FAM171B: variants seen among roughly 807,000 people sequenced by gnomAD.
FAM171B encodes the protein family with sequence similarity 171 member B.
Under a neutral mutation model 75.6 loss-of-function variants are expected in FAM171B, and 19 were observed. The ratio of observed to expected loss-of-function variants is 0.25; its 90% CI spans 0.18 to 0.37. The LOEUF is 0.37. FAM171B is among the 10% of genes least tolerant of loss of function. FAM171B has a pLI of 1.00. For missense variants in FAM171B, 848 were observed against 982.4 expected (o/e 0.86, Z 1.83); for synonymous variants, 367 against 361.7 (o/e 1.01, Z -0.17).
chr2:186,722,482 T>C (rs1689970255), intron 1 of FAM171B, among the ~76,000 whole-genome samples: 1 of 152,208 alleles, frequency 6.6e-6, no homozygotes, highest in African/African-American at 2.4e-5. Flanking sequence ...TGCTTTACAG[T>C]ACCATTTTTT....
rs2105788413 is a variant in FAM171B, at chr2:186,747,269, A to G, written c.724+19A>G. 2 of 1,520,144 alleles carry G rather than the reference A, an allele frequency of 1.3e-6. No individual in the cohort carries two copies. Among genetic ancestry groups the G allele is most frequent in the Middle Eastern group, 1.8e-4 (1 of 5,456 alleles). 94.2% of individuals were successfully genotyped at this position (1,520,144 alleles called of 1,614,324 possible). On this transcript the variant is annotated intron_variant, in intron 4 of 7. Transcript: ENST00000304698. ...AAACCAGGTATTATCTACTTTTTGT[A>G]TAATATAGTTATAAGAAACATTAGT...
chr2:186,751,383 T>G, intron 5 of FAM171B, 79 bp downstream of exon 5: 1 of 1,276,830 alleles, frequency 7.8e-7, no homozygotes, highest in East Asian at 2.4e-5. Flanking sequence ...TCTTAGAACT[T>G]GATACAGCTC....
intron 1 of FAM171B, among the ~76,000 whole-genome samples, chr2:186,738,728 A>AAAC (rs1447345047): frequency 2.0e-5 from 3 of 152,146 alleles, no homozygotes; most frequent in Non-Finnish European, 2.9e-5. Flanking sequence ...AGAGTTAGTG[A>AAAC]AACACAATAA....
intron 1 of FAM171B, among the ~76,000 whole-genome samples, chr2:186,721,904 C>A (rs1551007): frequency 0.91 from 137,744 of 150,602 alleles, 63,404 homozygotes; most frequent in Middle Eastern, 0.99. Flanking sequence ...AAAAAAAAAA[C>A]CATATTTGCT....
chr2:186,706,657 C>T (rs557745913), intron 1 of FAM171B, among the ~76,000 whole-genome samples: 4 of 152,164 alleles, frequency 2.6e-5, no homozygotes, highest in African/African-American at 9.7e-5. Flanking sequence ...AAGATATAGA[C>T]ACCCCTGACA....
At chr2:186,725,067 A>G (rs1006635459) in intron 1 of FAM171B, among the ~76,000 whole-genome samples, 22 of 152,190 alleles carry the variant, frequency 1.4e-4, no homozygotes, top group Non-Finnish European at 2.2e-4. Context: ...TGAGTAGGCC[A>G]GGCGCGATGG....
intron 6 of FAM171B, among the ~76,000 whole-genome samples, chr2:186,759,064 C>G (rs1690576723): frequency 6.6e-6 from 1 of 152,080 alleles, no homozygotes; most frequent in South Asian, 2.1e-4. Context: ...TTTTTCTATG[C>G]CTGGCTTATT....
chr2:186,758,459 T>G (rs1469033550), intron 6 of FAM171B, among the ~76,000 whole-genome samples: 1 of 152,154 alleles, frequency 6.6e-6, no homozygotes, highest in Non-Finnish European at 1.5e-5. Flanking sequence ...GTGGGAGCCT[T>G]ATGCTGGATG....
chr2:186,747,334 CT>C lies in FAM171B; in HGVS notation c.724+86del, dbSNP rs910345381. 7.9e-5 allele frequency: 69 copies of C among 875,906 alleles called. No homozygotes were observed. In the African/African-American group the frequency reaches 1.1e-3, roughly 14 times the overall value. 54.3% of individuals were successfully genotyped at this position (875,906 alleles called of 1,614,324 possible). A position where few individuals can be genotyped will look rare whatever the true frequency, so the allele number is the denominator to read the frequency against. ...TCAAATATTTAGCTATCTATAATAG[CT>C]TATAATATATAAGCTATGGATAATA... On this transcript the variant is annotated intron_variant, in intron 4 of 7. Coordinates refer to ENST00000304698, the MANE Select transcript of FAM171B (RefSeq NM_177454.4).
chr2:186,703,816 C>T (rs1033878368), intron 1 of FAM171B, among the ~76,000 whole-genome samples: 3 of 150,914 alleles, frequency 2.0e-5, no homozygotes, highest in Non-Finnish European at 4.4e-5. Context: ...GTCTGGGTGA[C>T]TGAAACAAGA....
chr2:186,707,061 A>G (rs1268026859), intron 1 of FAM171B, among the ~76,000 whole-genome samples: 2 of 152,182 alleles, frequency 1.3e-5, no homozygotes, highest in Non-Finnish European at 2.9e-5. Flanking sequence ...TGCTTTAAAT[A>G]TCATCTATAT....
chr2:186,730,835 G>A lies in FAM171B; in HGVS notation c.239-9393G>A, dbSNP rs200889758. 2.3e-4 allele frequency among the ~76,000 whole-genome samples: 35 copies of A among 149,672 alleles called. No individual in the cohort carries two copies. In the East Asian group the frequency reaches 6.6e-3, roughly 28 times the overall value. On this transcript the variant is annotated intron_variant, in intron 1 of 7. Coordinates refer to ENST00000304698, the MANE Select transcript of FAM171B (RefSeq NM_177454.4). ...AAGGATGAAACAGATGGAATATGCA[G>A]TTTTTTTTTTCTTTTGCGAATTTAG...
At chr2:186,707,828 C>A (rs1437693927) in intron 1 of FAM171B, among the ~76,000 whole-genome samples, 2 of 130,232 alleles carry the variant, frequency 1.5e-5, no homozygotes, top group Non-Finnish European at 3.2e-5. Context: ...GCTTAAATAC[C>A]ACTTTTTTTT....
intron 2 of FAM171B, among the ~76,000 whole-genome samples, chr2:186,741,870 C>T (rs944686113): frequency 4.0e-5 from 6 of 151,470 alleles, no homozygotes; most frequent in Non-Finnish European, 7.4e-5. Context: ...CGTTCATGCA[C>T]CAGGAAGCTG....
At chr2:186,741,974 A>G (rs1013887244) in intron 2 of FAM171B, among the ~76,000 whole-genome samples, 26 of 152,274 alleles carry the variant, frequency 1.7e-4, no homozygotes, top group Non-Finnish European at 3.7e-4. Flanking sequence ...TTAATAAATG[A>G]AATATGTGGG....
At chr2:186,733,133 C>A (rs1328276859) in intron 1 of FAM171B, among the ~76,000 whole-genome samples, 1 of 152,190 alleles carries the variant, frequency 6.6e-6, no homozygotes, top group African/African-American at 2.4e-5. Context: ...CTCTTACCAT[C>A]TGTGAGACTT....
At position 186,735,746 on chromosome 2, in the gene FAM171B, T is replaced by G. The variant is rs2595377; in HGVS notation, c.239-4482T>G. On this transcript the variant is annotated intron_variant, in intron 1 of 7. Coordinates refer to ENST00000304698, the MANE Select transcript of FAM171B (RefSeq NM_177454.4). ...TTCATAAAGGCAATCTCAGGCACAT[T>G]TATTTATTCTTTACCTTCATCTTTT... 4.2e-3 allele frequency among the ~76,000 whole-genome samples: 632 copies of G among 152,252 alleles called. 6 individuals are homozygous for G. Among genetic ancestry groups the G allele is most frequent in the African/African-American group, 0.014 (574 of 41,508 alleles).
At chr2:186,753,136 T>C (rs1488232739) in intron 5 of FAM171B, among the ~76,000 whole-genome samples, 1 of 152,090 alleles carries the variant, frequency 6.6e-6, no homozygotes, top group Non-Finnish European at 1.5e-5. Flanking sequence ...TATGTCTGTG[T>C]CCTTAGTTTA....
intron 1 of FAM171B, among the ~76,000 whole-genome samples, chr2:186,706,871 C>T (rs1689739522): frequency 6.6e-6 from 1 of 151,970 alleles, no homozygotes; most frequent in African/African-American, 2.4e-5. Context: ...CTAATAATTA[C>T]ATTATATTGA....
Sources: gnomAD v4.1 joint callset for allele counts (sites outside exome capture counted in the v4.1 genomes callset) on GRCh38, gnomAD v4.1.1 for gene constraint, MANE v1.5 for transcripts, NCBI Gene and HGNC (gene_info 2026-07-23, HGNC 2026-07-21) for gene names.